The following CDH1 variants were observed in gnomAD, a reference collection of about 807,000 sequenced individuals.
The protein encoded by CDH1 is cadherin-1.
A neutral mutation model predicts 84.5 loss-of-function variants in CDH1; 35 were observed. That is an observed-to-expected ratio of 0.41 (90% CI 0.32 to 0.55). The LOEUF is 0.55. Ranked by LOEUF, CDH1 falls within the 20% of genes least tolerant of loss-of-function variation. CDH1 has a pLI of 0.19. For synonymous variants in CDH1, 417 were observed against 439.0 expected, an observed-to-expected ratio of 0.95 and a Z score of 0.63; for missense variants, 994 against 1,126.6, an observed-to-expected ratio of 0.88 and a Z score of 1.68.
rs1961573235 is a variant in CDH1 at position 68,834,044 on chromosome 16, C to T, written c.*545C>T. On this transcript the variant is annotated 3_prime_UTR_variant, in exon 16 of 16. Transcript: ENST00000261769. ...CAATCACAGCTCACTGCAGCCTTGT[C>T]CTCCCAGGCTCAAGCTATCCTTGCA... The T allele has an allele frequency of 2.7e-6, 1 of 370,984 alleles. No individual in the cohort carries two copies. Among genetic ancestry groups the T allele is most frequent in the East Asian group, 5.1e-5 (1 of 19,548 alleles). The allele number at this position is 370,984 out of a possible 1,614,324, so 23.0% of individuals were successfully genotyped here.
intron 11 of CDH1, among the ~76,000 whole-genome samples, chr16:68,820,767 G>A (rs1437070626): frequency 2.0e-5 from 3 of 151,226 alleles, no homozygotes; most frequent in Non-Finnish European, 2.9e-5. Flanking sequence ...CTGCTTCTGT[G>A]TATTTAAATA....
At chr16:68,774,246 T>C (rs1324865951) in intron 2 of CDH1, among the ~76,000 whole-genome samples, 1 of 152,190 alleles carries the variant, frequency 6.6e-6, no homozygotes, top group Non-Finnish European at 1.5e-5. Context: ...TGTTGATGGC[T>C]GGGTGCGGTC....
At chr16:68,820,192 CT>C (rs1489520882) in intron 11 of CDH1, among the ~76,000 whole-genome samples, 2 of 151,654 alleles carry the variant, frequency 1.3e-5, no homozygotes, top group East Asian at 3.9e-4. Context: ...GAGCAAGACT[CT>C]GTCTCCAAAA....
chr16:68,832,634 A>G (rs1961514883), intron 15 of CDH1, among the ~76,000 whole-genome samples: 1 of 152,162 alleles, frequency 6.6e-6, no homozygotes, highest in Admixed American at 6.6e-5. Context: ...AGCCTGGCCA[A>G]CATGGTGAAA....
In CDH1 at chr16:68,808,753, G is replaced by A. The variant is rs1308439785; in HGVS notation, c.592G>A (p.Asp198Asn). 8 of 1,614,174 alleles carry A rather than the reference G, an allele frequency of 5.0e-6. No individual in the cohort carries two copies. In the South Asian group the frequency reaches 8.8e-5, roughly 18 times the overall value. ...CTACAGCATCACTGGCCAAGGAGCT[G>A]ACACACCCCCTGTTGGTGTCTTTAT... ...VFYSITGQGADTPPVGVFIIE... is the reference protein window; with the variant it reads ...VFYSITGQGANTPPVGVFIIE... Residue 198 changes from aspartate (D) to asparagine (N), a missense_variant, in exon 5 of 16, where the codon GAC (aspartate) becomes AAC (asparagine). Physicochemically the swap from Asp to Asn is conservative, Grantham distance 23 (BLOSUM62 1). Transcript: ENST00000261769.
chr16:68,760,193 G>A (rs368903480), intron 2 of CDH1, among the ~76,000 whole-genome samples: 48 of 148,356 alleles, frequency 3.2e-4, no homozygotes, highest in African/African-American at 1.2e-3. Flanking sequence ...TCTGCCTCCC[G>A]GGTTCATGCC....
intron 10 of CDH1, among the ~76,000 whole-genome samples, chr16:68,818,512 A>G (rs1961043517): frequency 6.9e-6 from 1 of 144,348 alleles, no homozygotes. Flanking sequence ...TGTCTGTTGT[A>G]TTGTTGGTTT....
intron 10 of CDH1, among the ~76,000 whole-genome samples, chr16:68,818,578 G>A (rs1259417387): frequency 4.0e-5 from 6 of 148,292 alleles, no homozygotes; most frequent in Non-Finnish European, 8.9e-5. Context: ...GCCGGGCGCG[G>A]TGGCTCACGC....
rs786201058 is a variant in CDH1 at position 68,738,324 on chromosome 16, G to C, written c.76G>C (p.Glu26Gln). Residue 26 changes from glutamate to glutamine, a missense_variant, in exon 2 of 16, where the codon GAG (glutamate) becomes CAG (glutamine). Glu to Gln is a conservative substitution (Grantham distance 29). Around this residue, in one of 3 missense-constraint regions of CDH1, gnomAD observed 203 missense variants for 194.0 expected, o/e 1.05. Transcript: ENST00000261769. ...QVSSWLCQEP[E>Q]PCHPGFDAES... ...CTCCTCTTGGCTCTGCCAGGAGCCG[G>C]AGCCCTGCCACCCTGGCTTTGACGC... 2 of 1,551,278 alleles carry C rather than the reference G, an allele frequency of 1.3e-6. No homozygotes were observed. Among genetic ancestry groups the C allele is most frequent in the East Asian group, 4.9e-5 (2 of 40,976 alleles).
At chr16:68,750,597 C>T (rs1477520517) in intron 2 of CDH1, among the ~76,000 whole-genome samples, 3 of 151,768 alleles carry the variant, frequency 2.0e-5, no homozygotes, top group Non-Finnish European at 4.4e-5. Flanking sequence ...GAGCTTGTAA[C>T]AAGCCAAAAG....
intron 3 of CDH1, among the ~76,000 whole-genome samples, chr16:68,804,176 C>T (rs1295069746): frequency 8.4e-5 from 11 of 130,872 alleles, no homozygotes; most frequent in Non-Finnish European, 1.1e-4. Context: ...TGCAGTGGCG[C>T]GATCTCAGCT....
chr16:68,824,293 G>A (rs569097766), intron 13 of CDH1, among the ~76,000 whole-genome samples: 11 of 152,134 alleles, frequency 7.2e-5, no homozygotes, highest in South Asian at 6.2e-4. Flanking sequence ...CACCGCACCC[G>A]GCCAGATTCT....
chr16:68,745,549 A>T (rs7186664), intron 2 of CDH1, among the ~76,000 whole-genome samples: 7,491 of 74,876 alleles, frequency 0.1, 857 homozygotes, highest in African/African-American at 0.26. Context: ...AAAAAAAAAA[A>T]ATATATATAT....
chr16:68,823,094 C>A, intron 12 of CDH1: 1 of 364,130 alleles, frequency 2.7e-6, no homozygotes, highest in Non-Finnish European at 5.0e-6. Flanking sequence ...CCCTCAGGCA[C>A]ACGGGAGCCT....
At chr16:68,822,641 C>A in intron 12 of CDH1, 1 of 407,020 alleles carries the variant, frequency 2.5e-6, no homozygotes, top group Non-Finnish European at 4.7e-6. Context: ...TGTCAACTGC[C>A]TGGTCAATTT....
intron 15 of CDH1, among the ~76,000 whole-genome samples, chr16:68,832,401 A>G (rs147262263): frequency 0.024 from 3,710 of 151,778 alleles, 169 homozygotes; most frequent in African/African-American, 0.086. Flanking sequence ...GCTTGAACCC[A>G]GGAGGTGGAG....
rs1597894017 is a variant in CDH1 at position 68,811,725 on chromosome 16, G to A, written c.874G>A (p.Asp292Asn). The part of the protein sequence containing the change: ...MEVTATDADD[D>N]VNTYNAAIAY... ...GGTCACAGCCACAGACGCGGACGAT[G>A]ATGTGAACACCTACAATGCCGCCAT... The change falls in exon 7 of 16, where the codon GAT becomes AAT. Residue 292 changes from aspartate (D) to asparagine (N), a missense_variant. Around this residue, in one of 3 missense-constraint regions of CDH1, gnomAD observed 769 missense variants for 881.8 expected, o/e 0.87. Transcript: ENST00000261769. 1 of 1,614,106 alleles carries A rather than the reference G, an allele frequency of 6.2e-7. No individual in the cohort carries two copies. The highest frequency in any genetic ancestry group is 1.1e-5 in the South Asian group (1 of 91,072).
chr16:68,768,912 G>C (rs994184428), intron 2 of CDH1, among the ~76,000 whole-genome samples: 13 of 152,192 alleles, frequency 8.5e-5, no homozygotes, highest in Non-Finnish European at 1.3e-4. Flanking sequence ...TGTGCCCAGA[G>C]CACCCTTCCC....
chr16:68,819,560 A>G, intron 11 of CDH1, 135 bp downstream of exon 11: 1 of 996,402 alleles, frequency 1.0e-6, no homozygotes, highest in Non-Finnish European at 1.5e-6. Flanking sequence ...ATTTGTATAA[A>G]TGTATGGAGT....
Sources: gnomAD v4.1 joint callset for allele counts (sites outside exome capture counted in the v4.1 genomes callset) on GRCh38, gnomAD v4.1.1 for gene constraint, gnomAD v4.1.1 regional missense constraint, MANE v1.5 for transcripts, NCBI Gene and HGNC (gene_info 2026-07-23, HGNC 2026-07-21) for gene names.